Variants in LRRIQ4 observed in about 807,000 individuals in gnomAD.
LRRIQ4 encodes leucine rich repeats and IQ motif containing 4, also known as leucine-rich repeat and IQ domain-containing protein 4.
A neutral mutation model predicts 40.1 loss-of-function variants in LRRIQ4; 21 were observed. The observed-to-expected ratio is 0.52, with a 90% CI of 0.37 to 0.75. LRRIQ4 has a LOEUF of 0.75. Among genes scored for constraint, LRRIQ4 ranks in the 30% least tolerant of loss-of-function variants. The pLI, the probability that LRRIQ4 is intolerant of heterozygous loss-of-function variation, is 0.00. For synonymous variants in LRRIQ4, 277 were observed against 277.1 expected, an observed-to-expected ratio of 1.00 and a Z score of 0.00; for missense variants, 655 against 660.0, an observed-to-expected ratio of 0.99 and a Z score of 0.08.
At position 169,828,821 on chromosome 3, in the gene LRRIQ4, C is replaced by T. The variant is rs761347786; in HGVS notation, c.1083C>T (p.Phe361=). Residue 361 remains phenylalanine, a synonymous_variant, in exon 3 of 6, where the codon TTC becomes TTT. Coordinates refer to ENST00000340806, the MANE Select transcript of LRRIQ4 (RefSeq NM_001080460.3). ...LKILGLTGNE[F]LSFPEEVLSL... is the part of the protein sequence containing the mutation. ...TACTTGGACTAACAGGAAATGAGTT[C>T]CTTTCCTTTCCGGAGGAAGTCCTTT... The T allele has an allele frequency of 6.2e-7, 1 of 1,613,814 alleles. No homozygotes were observed. The highest frequency in any genetic ancestry group is 1.1e-5 in the South Asian group (1 of 91,054).
At chr3:169,817,839 T>A (rs1410454586) in intron 1 of LRRIQ4, among the ~76,000 whole-genome samples, 1 of 152,208 alleles carries the variant, frequency 6.6e-6, no homozygotes, top group Non-Finnish European at 1.5e-5. Flanking sequence ...TGAAATGTAT[T>A]TCTTGTGGGC....
At chr3:169,816,576 C>T (rs1373183128) in intron 1 of LRRIQ4, among the ~76,000 whole-genome samples, 1 of 151,538 alleles carries the variant, frequency 6.6e-6, no homozygotes, top group African/African-American at 2.4e-5. Flanking sequence ...TTCATCTTTT[C>T]AAAAAACCCA....
At chr3:169,824,663 CCATCA>C (rs1267224700) in intron 2 of LRRIQ4, among the ~76,000 whole-genome samples, 1 of 151,960 alleles carries the variant, frequency 6.6e-6, no homozygotes, top group African/African-American at 2.4e-5. Context: ...CAGGTGTGCG[CCATCA>C]CACCCGGCTA....
chr3:169,831,698 G>T (rs537875143), intron 4 of LRRIQ4, among the ~76,000 whole-genome samples: 3 of 151,170 alleles, frequency 2.0e-5, no homozygotes, highest in Non-Finnish European at 4.4e-5. Context: ...GGCCAGGCGC[G>T]GTGCTCACGC....
rs749754439 is a variant in LRRIQ4, at chr3:169,822,250, C to T, written c.329C>T (p.Ser110Phe). The T allele has an allele frequency of 1.2e-6, 2 of 1,609,010 alleles. No individual in the cohort carries two copies. Among genetic ancestry groups the T allele is most frequent in the African/African-American group, 1.3e-5 (1 of 74,682 alleles). The change falls in exon 2 of 6, where the codon TCC becomes TTC. Residue 110 changes from serine (S) to phenylalanine (F), a missense_variant. Transcript: ENST00000340806. ...DLSYNPIFSS[S>F]LVVVSFLHAL... ...AGCTACAACCCCATCTTCTCCTCCT[C>T]CCTTGTCGTTGTCAGCTTCCTCCAC...
intron 5 of LRRIQ4, among the ~76,000 whole-genome samples, chr3:169,835,774 A>T (rs904014918): frequency 4.6e-5 from 7 of 151,812 alleles, no homozygotes; most frequent in Non-Finnish European, 8.8e-5. Flanking sequence ...CTCTCACTGG[A>T]CTTCAGTCAC....
intron 5 of LRRIQ4, 23 bp downstream of exon 5, chr3:169,833,206 A>G: frequency 1.9e-6 from 3 of 1,593,840 alleles, no homozygotes; most frequent in Non-Finnish European, 2.6e-6. Context: ...CAGATTCTTG[A>G]TAACAGTTGC....
intron 4 of LRRIQ4, 96 bp downstream of exon 4, chr3:169,830,726 T>C: frequency 2.8e-6 from 4 of 1,444,784 alleles, no homozygotes; most frequent in Non-Finnish European, 2.8e-6. Flanking sequence ...CCTATCTCAG[T>C]GTTCAGAGAA....
At position 169,833,086 on chromosome 3, in the gene LRRIQ4, C is replaced by T. The variant is rs754713329; in HGVS notation, c.1433C>T (p.Pro478Leu). 1.9e-6 allele frequency: 3 copies of T among 1,613,790 alleles called. No individual in the cohort carries two copies. The highest frequency in any genetic ancestry group is 2.5e-6 in the Non-Finnish European group (3 of 1,179,858). ...NLKVLTLMDNPMEEPPKEVCA... is the reference protein window; with the variant it reads ...NLKVLTLMDNLMEEPPKEVCA... ...AAGGTTCTGACACTGATGGACAATC[C>T]CATGGAAGAACCCCCAAAAGAAGTG... The change falls in exon 5 of 6, where the codon CCC (proline) becomes CTC (leucine). Residue 478 changes from proline to leucine, a missense_variant. Coordinates refer to ENST00000340806, the MANE Select transcript of LRRIQ4 (RefSeq NM_001080460.3).
intron 4 of LRRIQ4, among the ~76,000 whole-genome samples, chr3:169,831,206 C>CT (rs199915947): frequency 1.2e-3 from 113 of 90,532 alleles, no homozygotes; most frequent in African/African-American, 1.6e-3. Context: ...TTAAATGTTT[C>CT]TTTTTTTTTT....
chr3:169,829,689 C>T (rs780988379), intron 3 of LRRIQ4, among the ~76,000 whole-genome samples: 44 of 152,192 alleles, frequency 2.9e-4, no homozygotes, highest in Admixed American at 1.6e-3. Flanking sequence ...TTAGTAAAGA[C>T]GGGGTTTTGC....
chr3:169,837,131 C>T (rs1211288387), intron 5 of LRRIQ4, among the ~76,000 whole-genome samples: 1 of 152,208 alleles, frequency 6.6e-6, no homozygotes, highest in Non-Finnish European at 1.5e-5. Context: ...TGTGCGGTCA[C>T]TCTCCATAGC....
intron 1 of LRRIQ4, among the ~76,000 whole-genome samples, chr3:169,814,197 A>T (rs1779707264): frequency 6.6e-6 from 1 of 152,106 alleles, no homozygotes; most frequent in African/African-American, 2.4e-5. Flanking sequence ...AGTGGCTCTC[A>T]ACAGATGGAT....
chr3:169,831,986 A>T (rs35510081), intron 4 of LRRIQ4, among the ~76,000 whole-genome samples: 33,852 of 146,004 alleles, frequency 0.23, 4,848 homozygotes, highest in East Asian at 0.61. Flanking sequence ...AAAAAATTTA[A>T]AAAAAAAAAG....
At position 169,837,548 on chromosome 3, in the gene LRRIQ4, C is replaced by A; in HGVS notation, c.1600C>A (p.Gln534Lys). 1 of 1,602,736 alleles carries A rather than the reference C, an allele frequency of 6.2e-7. No individual in the cohort carries two copies. The highest frequency in any genetic ancestry group is 1.1e-5 in the South Asian group (1 of 88,608). Residue 534 changes from glutamine to lysine, a missense_variant, in exon 6 of 6, where the codon CAA (glutamine) becomes AAA (lysine). Physicochemically the swap from Gln to Lys is moderately conservative, Grantham distance 53 (BLOSUM62 1). Transcript: ENST00000340806. ...GAAATTCGGTGAACTACTAAAACCA[C>A]AAAAGAAAGGAAAGACCTCTCCAAA... ...FGKFGELLKP[Q>K]KKGKTSPKDK...
chr3:169,820,894 G>A (rs1440681681), intron 1 of LRRIQ4, among the ~76,000 whole-genome samples: 1 of 152,186 alleles, frequency 6.6e-6, no homozygotes, highest in African/African-American at 2.4e-5. Flanking sequence ...AGACTAATGG[G>A]AAAAACTAGT....
chr3:169,822,824 C>T lies in LRRIQ4; in HGVS notation c.903C>T (p.Cys301=). Residue 301 remains cysteine, a synonymous_variant, in exon 2 of 6, where the codon TGC becomes TGT. Coordinates refer to ENST00000340806, the MANE Select transcript of LRRIQ4 (RefSeq NM_001080460.3). ...ACAGGCTGCGGGGCTCCTTCAGGTG[C>T]CTGGTCAACTTGCGCTTCCTGGACC... ...GLHRLRGSFR[C]LVNLRFLDLS... is the part of the protein sequence containing the mutation. 2 of 1,613,568 alleles carry T rather than the reference C, an allele frequency of 1.2e-6. No homozygotes were observed. The highest frequency in any genetic ancestry group is 1.7e-6 in the Non-Finnish European group (2 of 1,179,706).
In LRRIQ4 at chr3:169,833,047, C is replaced by A. The variant is rs1321210700; in HGVS notation, c.1394C>A (p.Ser465Tyr). Residue 465 changes from serine (S) to tyrosine (Y), a missense_variant, in exon 5 of 6, where the codon TCC becomes TAC. By Grantham distance (144) the Ser-to-Tyr change is moderately radical (BLOSUM62 -2). Transcript: ENST00000340806. The part of the protein sequence containing the change: ...LLTHLPENLD[S>Y]LVNLKVLTLM... ...ACCCATCTTCCAGAGAATTTGGATTCCCTAGTGAATCTTAAGGTTCTGACA... is the reference window on the plus strand; with the variant it reads ...ACCCATCTTCCAGAGAATTTGGATTACCTAGTGAATCTTAAGGTTCTGACA... 1 of 1,613,926 alleles carries A rather than the reference C, an allele frequency of 6.2e-7. No individual in the cohort carries two copies.
intron 1 of LRRIQ4, among the ~76,000 whole-genome samples, chr3:169,815,404 T>C (rs1252371473): frequency 6.6e-6 from 1 of 152,212 alleles, no homozygotes; most frequent in African/African-American, 2.4e-5. Flanking sequence ...TTGTAGCTAC[T>C]GTAAATGGGA....
Sources: gnomAD v4.1 joint callset for allele counts (sites outside exome capture counted in the v4.1 genomes callset) on GRCh38, gnomAD v4.1.1 for gene constraint, MANE v1.5 for transcripts, NCBI Gene and HGNC (gene_info 2026-07-23, HGNC 2026-07-21) for gene names.